The following SUSD5 variants were observed in gnomAD, a reference collection of about 807,000 sequenced individuals.
SUSD5 encodes the protein sushi domain containing 5, also known as sushi domain-containing protein 5.
SUSD5 carries 33 observed loss-of-function variants against 29.5 expected under a neutral mutation model. That is an observed-to-expected ratio of 1.12 (90% confidence interval 0.85 to 1.49). The LOEUF (loss-of-function observed/expected upper bound fraction) is 1.49. Among genes scored for constraint, SUSD5 ranks in the 40% most tolerant of loss-of-function variants. The pLI, the probability that SUSD5 is intolerant of heterozygous loss-of-function variation, is 0.00. For synonymous variants in SUSD5, 308 were observed against 325.3 expected (o/e 0.95, Z 0.57); for missense variants, 776 against 800.6 (o/e 0.97, Z 0.37).
rs1201353741 is a variant in SUSD5 at position 33,207,818 on chromosome 3, A to T, written c.399T>A (p.Ile133=). 6.2e-7 allele frequency: 1 copy of T among 1,611,096 alleles called. No individual in the cohort carries two copies. Among genetic ancestry groups the T allele is most frequent in the Non-Finnish European group, 8.5e-7 (1 of 1,177,828 alleles). ...VPGGTYSALC[I]KDEEKPCGDP... is the part of the protein sequence containing the mutation. ...GACTCTGGCACTGACCTTCATCCTT[A>T]ATACAAAGGGCACTGTATGTGCCAC... is the stretch of plus-strand genomic sequence containing the variant. Residue 133 remains isoleucine, a synonymous_variant, in exon 3 of 5, where the codon ATT becomes ATA. Coordinates refer to ENST00000309558, the MANE Select transcript of SUSD5 (RefSeq NM_015551.2).
Position 33,218,679 on chromosome 3 carries a change from C to A in SUSD5, c.112+7G>T. Reference sequence around the variant, plus strand: ...ACCCCCCGCCCCGCCGCCTCCCGCACACTCACCATCCGCCCGCACCGAAAG... The same window carrying A: ...ACCCCCCGCCCCGCCGCCTCCCGCAAACTCACCATCCGCCCGCACCGAAAG... On this transcript the variant is annotated splice_region_variant and intron_variant, in intron 1 of 4. Transcript: ENST00000309558. 1 of 1,287,970 alleles carries A rather than the reference C, an allele frequency of 7.8e-7. No homozygotes were observed. Among genetic ancestry groups the A allele is most frequent in the Non-Finnish European group, 9.8e-7 (1 of 1,016,344 alleles). The allele number at this position is 1,287,970 out of a possible 1,614,324, so 79.8% of individuals were successfully genotyped here.
chr3:33,159,050 A>G (rs1330851351), intron 4 of SUSD5, among the ~76,000 whole-genome samples: 1 of 152,238 alleles, frequency 6.6e-6, no homozygotes, highest in African/African-American at 2.4e-5. Context: ...GTCATCAACT[A>G]TAGCTCACTG....
chr3:33,203,160 C>T (rs1323485599), intron 3 of SUSD5, among the ~76,000 whole-genome samples: 2 of 152,206 alleles, frequency 1.3e-5, no homozygotes, highest in Non-Finnish European at 2.9e-5. Context: ...GTTGACTGTG[C>T]TGTCAACAAA....
At chr3:33,218,647 A>G in intron 1 of SUSD5, 39 bp downstream of exon 1, 1 of 1,242,460 alleles carries the variant, frequency 8.0e-7, no homozygotes, top group Non-Finnish European at 1.0e-6. Flanking sequence ...CCCGGACCCC[A>G]CGCTCCACCC....
At chr3:33,181,131 TAA>T (rs2031663131) in intron 3 of SUSD5, among the ~76,000 whole-genome samples, 1 of 152,036 alleles carries the variant, frequency 6.6e-6, no homozygotes, top group Non-Finnish European at 1.5e-5. Context: ...TAAAAATTTA[TAA>T]AGTTACAATA....
chr3:33,191,210 A>G (rs537621030), intron 3 of SUSD5, among the ~76,000 whole-genome samples: 1 of 151,730 alleles, frequency 6.6e-6, no homozygotes, highest in African/African-American at 2.4e-5. Context: ...GCTCACTACA[A>G]GCTCCACCTC....
chr3:33,199,590 G>T (rs144686588), intron 3 of SUSD5, among the ~76,000 whole-genome samples: 120 of 152,336 alleles, frequency 7.9e-4, no homozygotes, highest in African/African-American at 2.8e-3. Flanking sequence ...GTTTTTTAAA[G>T]AATAAATTGG....
chr3:33,195,110 G>A (rs1448592864), intron 3 of SUSD5, among the ~76,000 whole-genome samples: 4 of 152,122 alleles, frequency 2.6e-5, no homozygotes, highest in East Asian at 1.9e-4. Flanking sequence ...CAGGAGAATC[G>A]CTTGAACCCA....
intron 3 of SUSD5, among the ~76,000 whole-genome samples, chr3:33,177,542 TC>T (rs1350316405): frequency 4.7e-5 from 7 of 147,644 alleles, no homozygotes; most frequent in African/African-American, 1.6e-4. Flanking sequence ...AGGGTCTCAC[TC>T]TGTCGCCCAG....
chr3:33,214,522 AC>A (rs1305378998), intron 1 of SUSD5, among the ~76,000 whole-genome samples: 1 of 151,242 alleles, frequency 6.6e-6, no homozygotes, highest in Non-Finnish European at 1.5e-5. Context: ...CCCTAGGATG[AC>A]CCCCTATACA....
intron 4 of SUSD5, among the ~76,000 whole-genome samples, chr3:33,171,860 C>T (rs192109102): frequency 1.9e-4 from 29 of 152,316 alleles, no homozygotes; most frequent in East Asian, 9.6e-4. Flanking sequence ...TCCTGTAAAA[C>T]GTCACCTTCT....
chr3:33,206,280 A>G (rs1354831844), intron 3 of SUSD5, among the ~76,000 whole-genome samples: 1 of 152,118 alleles, frequency 6.6e-6, no homozygotes, highest in Non-Finnish European at 1.5e-5. Context: ...AGGCTGAGGC[A>G]GGAGAATCGC....
intron 3 of SUSD5, chr3:33,190,307 T>C (rs1166805878): frequency 1.2e-5 from 2 of 161,390 alleles, no homozygotes; most frequent in Non-Finnish European, 2.7e-5. Flanking sequence ...GCGAAGATCA[T>C]TTTTGTTCCA....
At chr3:33,172,180 AACAC>A (rs10576154) in intron 4 of SUSD5, among the ~76,000 whole-genome samples, 10,713 of 148,402 alleles carry the variant, frequency 0.072, 498 homozygotes, top group African/African-American at 0.13. Flanking sequence ...ACTCTTGTAA[AACAC>A]ACACACACAC....
intron 3 of SUSD5, among the ~76,000 whole-genome samples, chr3:33,178,644 C>T (rs896338830): frequency 7.9e-5 from 12 of 152,150 alleles, no homozygotes; most frequent in Non-Finnish European, 1.6e-4. Flanking sequence ...GACAGGGTTT[C>T]ACCGTGTTAG....
At chr3:33,190,131 A>G (rs2031862063) in intron 3 of SUSD5, 1 of 152,814 alleles carries the variant, frequency 6.5e-6, no homozygotes, top group Non-Finnish European at 1.5e-5. Flanking sequence ...TCAGTCACTC[A>G]TGATCTAAAT....
At position 33,204,620 on chromosome 3, in the gene SUSD5, C is replaced by CTGTTT. The variant is rs1467494421; in HGVS notation, c.409+3183_409+3187dup. On this transcript the variant is annotated intron_variant, in intron 3 of 4. Transcript: ENST00000309558. The surrounding 1 kb of genome is among the most constrained non-coding windows in gnomAD (Gnocchi z 4.5). Reference sequence around the variant, plus strand: ...ACAGGCTTGAGCCACCACACCCGGCCTGTTTTATTTTGTTTTGTTTTGTTT... The same window carrying CTGTTT: ...ACAGGCTTGAGCCACCACACCCGGCCTGTTTTGTTTTATTTTGTTTTGTTTTGTTT... 9.9e-5 allele frequency among the ~76,000 whole-genome samples: 13 copies of CTGTTT among 131,196 alleles called. No individual in the cohort carries two copies. Among genetic ancestry groups the CTGTTT allele is most frequent in the East Asian group, 4.7e-4 (2 of 4,224 alleles). 86.1% of individuals were successfully genotyped at this position (131,196 alleles called of 152,430 possible).
intron 3 of SUSD5, among the ~76,000 whole-genome samples, chr3:33,199,689 T>G (rs1282775376): frequency 6.6e-6 from 1 of 152,228 alleles, no homozygotes; most frequent in Non-Finnish European, 1.5e-5. Context: ...ACTGAATGTC[T>G]GTGTCCTCCC....
chr3:33,172,539 G>T (rs1419399109), intron 4 of SUSD5, among the ~76,000 whole-genome samples: 1 of 152,150 alleles, frequency 6.6e-6, no homozygotes, highest in South Asian at 2.1e-4. Flanking sequence ...GGACCAACAG[G>T]AAGCTTGGTG....
Sources: allele counts gnomAD v4.1 joint callset (sites outside exome capture counted in the v4.1 genomes callset), GRCh38; gene constraint gnomAD v4.1.1; non-coding constraint Gnocchi (gnomAD v3.1); transcripts MANE v1.5; gene names NCBI Gene and HGNC (gene_info 2026-07-23, HGNC 2026-07-21).